Variants in EXOC2 observed in about 807,000 individuals in gnomAD.
EXOC2 encodes SEC5-like 1.
A neutral mutation model predicts 131.8 loss-of-function variants in EXOC2; 70 were observed. That is an observed-to-expected ratio of 0.53 (90% CI 0.44 to 0.65). The LOEUF (loss-of-function observed/expected upper bound fraction) is 0.65, where lower values mean the gene tolerates loss of function less well. Ranked by LOEUF, EXOC2 falls within the 30% of genes least tolerant of loss-of-function variation. The pLI, the probability that EXOC2 is intolerant of heterozygous loss-of-function variation, is 0.00. For missense variants in EXOC2, 923 were observed against 1,108.6 expected (o/e 0.83, Z 2.38); for synonymous variants, 411 against 398.4 (o/e 1.03, Z -0.38).
intron 6 of EXOC2, 113 bp from the exon 7 acceptor site, chr6:610,291 G>A (rs1190240973): frequency 1.1e-6 from 1 of 914,052 alleles, no homozygotes; most frequent in East Asian, 2.6e-5. Context: ...TTTCACTGCT[G>A]AAAAGCAGCA....
At chr6:554,045 C>CTT (rs11399543) in intron 20 of EXOC2, 125 bp from the exon 21 acceptor site, 51,668 of 498,738 alleles carry the variant, frequency 0.1, 17 homozygotes, top group East Asian at 0.14. Context: ...AGTCACATAA[C>CTT]TTTTTTTTTT....
chr6:559,986 CG>C (rs755436282), intron 17 of EXOC2, among the ~76,000 whole-genome samples: 26 of 152,312 alleles, frequency 1.7e-4, no homozygotes, highest in Non-Finnish European at 2.8e-4. Flanking sequence ...TGCTTCATCT[CG>C]GGCAAGTGAT....
At chr6:606,837 G>C (rs1384097742) in intron 7 of EXOC2, among the ~76,000 whole-genome samples, 1 of 152,194 alleles carries the variant, frequency 6.6e-6, no homozygotes, top group East Asian at 1.9e-4. Context: ...TGGTGGATTT[G>C]CGTTTCACTT....
chr6:617,623 C>G (rs1276310758), intron 6 of EXOC2, 88 bp downstream of exon 6: 80 of 1,454,876 alleles, frequency 5.5e-5, no homozygotes, highest in Non-Finnish European at 7.0e-5. Flanking sequence ...AAAAACAGAC[C>G]GAGTGTCACA....
At chr6:591,500 A>T (rs1759540546) in intron 11 of EXOC2, among the ~76,000 whole-genome samples, 1 of 152,004 alleles carries the variant, frequency 6.6e-6, no homozygotes, top group Non-Finnish European at 1.5e-5. Flanking sequence ...TACCCTTCTG[A>T]TCTCAAAAGA....
rs113110564 is a variant in EXOC2 at position 491,257 on chromosome 6, T to G, written c.2560-71A>C. On this transcript the variant is annotated intron_variant, in intron 25 of 27. Transcript: ENST00000230449. ...ATCAAATATAAACAAGTACTAAGGT[T>G]AAGGGTCTCCAGCCTGCTCATCGTA... 661 of 1,508,886 alleles carry G rather than the reference T, an allele frequency of 4.4e-4. 8 individuals carry two copies. In the African/African-American group the frequency reaches 5.8e-3, roughly 13 times the overall value. The allele number at this position is 1,508,886 out of a possible 1,614,324, so 93.5% of individuals were successfully genotyped here. A position where few individuals can be genotyped will look rare whatever the true frequency, so the allele number is the denominator to read the frequency against.
chr6:580,526 A>T (rs982668545), intron 11 of EXOC2, among the ~76,000 whole-genome samples: 7 of 151,956 alleles, frequency 4.6e-5, no homozygotes, highest in African/African-American at 1.7e-4. Context: ...CCTTTTTTTT[A>T]AAGCAGGAAA....
chr6:540,065 C>T (rs550104695), intron 22 of EXOC2, among the ~76,000 whole-genome samples: 22 of 152,348 alleles, frequency 1.4e-4, no homozygotes, highest in Non-Finnish European at 2.5e-4. Flanking sequence ...GCCTGTGTCT[C>T]CAGGACTTGT....
intron 22 of EXOC2, among the ~76,000 whole-genome samples, chr6:545,153 CAAAAAA>C (rs36051866): frequency 1.2e-5 from 1 of 85,494 alleles, no homozygotes. Flanking sequence ...GACTCCGTCT[CAAAAAA>C]AAAAAAAAAA....
At position 495,874 on chromosome 6, in the gene EXOC2, G is replaced by A. The variant is rs143808664; in HGVS notation, c.2559+1493C>T. ...GCTGGATATTGAGACATTGTCCCAC[G>A]GGTCGAGAGCTCCGCTTGCTTTTTT... On this transcript the variant is annotated intron_variant, in intron 25 of 27. Coordinates refer to ENST00000230449, the MANE Select transcript of EXOC2 (RefSeq NM_018303.6). 3.3e-3 allele frequency among the ~76,000 whole-genome samples: 501 copies of A among 151,882 alleles called. 1 individual carries two copies. The highest frequency in any genetic ancestry group is 0.011 in the African/African-American group (474 of 41,224).
chr6:532,709 C>G lies in EXOC2; in HGVS notation c.2239-99G>C, dbSNP rs76954521. 4 of 1,168,584 alleles carry G rather than the reference C, an allele frequency of 3.4e-6. No homozygotes were observed. In the African/African-American group the frequency reaches 6.4e-5, roughly 19 times the overall value. 72.4% of individuals were successfully genotyped at this position (1,168,584 alleles called of 1,614,324 possible). A position where few individuals can be genotyped will look rare whatever the true frequency, so the allele number is the denominator to read the frequency against. ...AATACTTCAGACTATAATAAAAGCA[C>G]TTCTCAATTTTCCTACAAAAACTCG... On this transcript the variant is annotated intron_variant, in intron 22 of 27. Coordinates refer to ENST00000230449, the MANE Select transcript of EXOC2 (RefSeq NM_018303.6).
At chr6:625,766 T>G (rs1223976373) in intron 4 of EXOC2, among the ~76,000 whole-genome samples, 1 of 152,194 alleles carries the variant, frequency 6.6e-6, no homozygotes, top group Non-Finnish European at 1.5e-5. Context: ...AAATCAGGTT[T>G]GCATCGCCCA....
intron 22 of EXOC2, among the ~76,000 whole-genome samples, chr6:543,051 G>A (rs544882293): frequency 4.6e-5 from 7 of 152,286 alleles, no homozygotes; most frequent in South Asian, 2.1e-4. Flanking sequence ...CAAAGCAACC[G>A]CTAGGAAGGT....
intron 11 of EXOC2, among the ~76,000 whole-genome samples, chr6:588,979 T>C (rs1228534677): frequency 2.0e-5 from 3 of 152,328 alleles, no homozygotes; most frequent in African/African-American, 7.2e-5. Flanking sequence ...TATGACGAGA[T>C]AGATGAAATT....
chr6:532,526 A>G lies in EXOC2; in HGVS notation c.2323T>C (p.Leu775=). ...TATCCTGCATAAATTCCAGGTTCTA[A>G]GGAGCCAACGATGGGATCTGCTTTC... The part of the protein sequence containing the change: ...ELKADPIVGS[L]EPGIYAGYFD... The change falls in exon 23 of 28, where the codon TTA becomes CTA. Residue 775 remains leucine, a synonymous_variant. Transcript: ENST00000230449. 6.2e-7 allele frequency: 1 copy of G among 1,608,798 alleles called. No homozygotes were observed. Among genetic ancestry groups the G allele is most frequent in the Non-Finnish European group, 8.5e-7 (1 of 1,178,462 alleles).
chr6:648,560 CA>C (rs1031629239), intron 1 of EXOC2, among the ~76,000 whole-genome samples: 1 of 152,046 alleles, frequency 6.6e-6, no homozygotes, highest in African/African-American at 2.4e-5. Context: ...CGGAGGTCAA[CA>C]AAAGTCTGAC....
chr6:615,174 TGG>T (rs1168182979), intron 6 of EXOC2, among the ~76,000 whole-genome samples: 20 of 115,520 alleles, frequency 1.7e-4, no homozygotes, highest in African/African-American at 8.5e-4. Flanking sequence ...AAAGTATATG[TGG>T]GTGTGGGTGT....
intron 11 of EXOC2, among the ~76,000 whole-genome samples, chr6:577,446 T>C (rs1196513211): frequency 6.6e-6 from 1 of 152,236 alleles, no homozygotes; most frequent in Non-Finnish European, 1.5e-5. Context: ...TACTGCTTTT[T>C]TGATTCTCAT....
At chr6:628,313 T>C (rs1761680550) in intron 4 of EXOC2, among the ~76,000 whole-genome samples, 1 of 152,258 alleles carries the variant, frequency 6.6e-6, no homozygotes, top group Non-Finnish European at 1.5e-5. Context: ...GAAAGCTAAG[T>C]ACTTTCAGTG....
Sources: gnomAD v4.1 joint callset for allele counts (sites outside exome capture counted in the v4.1 genomes callset) on GRCh38, gnomAD v4.1.1 for gene constraint, MANE v1.5 for transcripts, NCBI Gene and HGNC (gene_info 2026-07-23, HGNC 2026-07-21) for gene names.